The following TRPM5 variants were observed in gnomAD, a reference collection of about 807,000 sequenced individuals.
TRPM5 encodes MLSN1 and TRP-related.
TRPM5 carries 121 observed loss-of-function variants against 124.9 expected under a neutral mutation model. That is an observed-to-expected ratio of 0.97 (90% CI 0.84 to 1.13). TRPM5 has a LOEUF of 1.13. TRPM5 is among the 50% of genes most tolerant of loss of function. The probability of loss-of-function intolerance (pLI) is 0.00; values close to 1 mark genes in which losing one functional copy is unlikely to be tolerated. For missense variants in TRPM5, 1,643 were observed against 1,589.1 expected (o/e 1.03, Z -0.58); for synonymous variants, 781 against 700.5 (o/e 1.11, Z -1.81).
At chr11:2,405,160 C>A in intron 23 of TRPM5, 117 bp from the exon 29 acceptor site, 1 of 799,184 alleles carries the variant, frequency 1.3e-6, no homozygotes, top group Non-Finnish European at 2.0e-6. Context: ...GAGTGAGTCC[C>A]CACAGGCCAG....
chr11:2,424,674 A>G (rs1342311148), upstream of TRPM5, among the ~76,000 whole-genome samples: 1 of 152,262 alleles, frequency 6.6e-6, no homozygotes, highest in Non-Finnish European at 1.5e-5. Flanking sequence ...CGAAGCTGGA[A>G]GAGGCAGGAA....
At chr11:2,422,643 G>A (rs1845789012) in intron 1 of TRPM5, among the ~76,000 whole-genome samples, 1 of 151,758 alleles carries the variant, frequency 6.6e-6, no homozygotes, top group Non-Finnish European at 1.5e-5. Flanking sequence ...CGAGGGCGCT[G>A]GACAGAGGTG....
the TRPM5 span, among the ~76,000 whole-genome samples, chr11:2,434,169 GTGTC>G: frequency 1.3e-5 from 2 of 151,744 alleles, no homozygotes; most frequent in African/African-American, 2.4e-5. Context: ...GGTGTACCAT[GTGTC>G]TGTGTGGACG....
At chr11:2,431,799 T>G in the TRPM5 span, among the ~76,000 whole-genome samples, 1 of 152,170 alleles carries the variant, frequency 6.6e-6, no homozygotes, top group African/African-American at 2.4e-5. Context: ...TCTTCCCCTG[T>G]GATCTGGTGT....
chr11:2,436,525 G>C, the TRPM5 span, among the ~76,000 whole-genome samples: 1 of 152,238 alleles, frequency 6.6e-6, no homozygotes, highest in Non-Finnish European at 1.5e-5. Flanking sequence ...CCAGGAAAGG[G>C]CTATGTGTGT....
chr11:2,414,464 G>A (rs1349445404), intron 11 of TRPM5, among the ~76,000 whole-genome samples: 2 of 152,192 alleles, frequency 1.3e-5, no homozygotes, highest in African/African-American at 4.8e-5. Flanking sequence ...CCTGCGGCAG[G>A]GCCCAGTGTA....
At chr11:2,436,474 G>A in the TRPM5 span, among the ~76,000 whole-genome samples, 1 of 152,276 alleles carries the variant, frequency 6.6e-6, no homozygotes, top group Admixed American at 6.5e-5. Context: ...AGGGAGGGGA[G>A]GGGCTGGCCT....
Position 2,417,713 on chromosome 11 carries a change from C to A in TRPM5, c.1009+14G>T. ...CCCAATGGCGCCTGCCTTGCCCACC[C>A]TGCCCGCCCTCACCTTTCACCAGCG... On this transcript the variant is annotated intron_variant, in intron 7 of 23. Transcript: ENST00000155858. 3 of 1,467,334 alleles carry A rather than the reference C, an allele frequency of 2.0e-6. No individual in the cohort carries two copies. Among genetic ancestry groups the A allele is most frequent in the South Asian group, 2.4e-5 (2 of 83,556 alleles). 90.9% of individuals were successfully genotyped at this position (1,467,334 alleles called of 1,614,324 possible). A position where few individuals can be genotyped will look rare whatever the true frequency, so the allele number is the denominator to read the frequency against.
upstream of TRPM5, among the ~76,000 whole-genome samples, chr11:2,424,804 G>A (rs1440182836): frequency 6.6e-6 from 1 of 152,190 alleles, no homozygotes; most frequent in African/African-American, 2.4e-5. Flanking sequence ...CAGGCTGGTT[G>A]TCTTGGCTGC....
chr11:2,406,076 G>A (rs755532264), exon 22 of TRPM5: 6 of 1,612,062 alleles, frequency 3.7e-6, no homozygotes, highest in South Asian at 2.2e-5. Flanking sequence ...CGAGGTACTT[G>A]GCAATGAAGT....
At chr11:2,406,249 C>T in intron 21 of TRPM5, 158 bp from the exon 27 acceptor site, 1 of 751,380 alleles carries the variant, frequency 1.3e-6, no homozygotes, top group Non-Finnish European at 2.2e-6. Flanking sequence ...CACCAGGACC[C>T]CTCAAAGTGC....
At chr11:2,433,764 C>T in the TRPM5 span, among the ~76,000 whole-genome samples, 4 of 152,172 alleles carry the variant, frequency 2.6e-5, no homozygotes, top group Admixed American at 1.3e-4. Context: ...TGTCACTGTG[C>T]GCACATGGTG....
At position 2,421,151 on chromosome 11, in the gene TRPM5, C is replaced by T; in HGVS notation, c.346G>A (p.Val116Ile). 2 of 1,542,386 alleles carry T rather than the reference C, an allele frequency of 1.3e-6. No homozygotes were observed. The highest frequency in any genetic ancestry group is 2.4e-5 in the South Asian group (2 of 83,960). The change falls in exon 3 of 24, where the codon GTC becomes ATC. Residue 116 changes from valine to isoleucine, a missense_variant. Physicochemically the swap from Val to Ile is conservative, Grantham distance 29 (BLOSUM62 3). Coordinates refer to ENST00000155858, the Ensembl canonical transcript of TRPM5. The stretch of plus-strand genomic sequence containing the variant: ...GAGTGGTCGCGCACGGCCTGCCCGA[C>T]ATGCCTGGCCAGGCCCACGCGGAGG...
chr11:2,433,334 C>G, the TRPM5 span, among the ~76,000 whole-genome samples: 1 of 152,258 alleles, frequency 6.6e-6, no homozygotes, highest in Non-Finnish European at 1.5e-5. Context: ...GCTTGGCGAT[C>G]AGACAGCAGA....
intron 2 of TRPM5, 150 bp from the exon 8 acceptor site, chr11:2,421,348 C>G: frequency 9.4e-7 from 1 of 1,059,650 alleles, no homozygotes; most frequent in Non-Finnish European, 1.3e-6. Flanking sequence ...GGTGGGGAAG[C>G]CGAGGCCCAG....
chr11:2,415,645 CAG>C (rs1426972102), intron 8 of TRPM5, among the ~76,000 whole-genome samples, 174 bp from the exon 14 acceptor site: 4 of 152,232 alleles, frequency 2.6e-5, no homozygotes, highest in Non-Finnish European at 4.4e-5. Context: ...GGGGCGGGCA[CAG>C]AGGGGCCAGT....
the TRPM5 span, among the ~76,000 whole-genome samples, chr11:2,435,735 A>G: frequency 6.6e-6 from 1 of 151,272 alleles, no homozygotes; most frequent in African/African-American, 2.4e-5. The surrounding 1 kb of genome is among the most constrained non-coding windows in gnomAD (Gnocchi z 4.1). Flanking sequence ...GTATCCATGT[A>G]TCAAACTGTC....
At chr11:2,408,876 T>C (rs1850381851) in intron 18 of TRPM5, among the ~76,000 whole-genome samples, 1 of 152,236 alleles carries the variant, frequency 6.6e-6, no homozygotes. Flanking sequence ...TGTGTCTGTG[T>C]GAGCCTGTAC....
chr11:2,417,645 G>T, intron 7 of TRPM5, 82 bp downstream of exon 12: 1 of 1,110,078 alleles, frequency 9.0e-7, no homozygotes, highest in Non-Finnish European at 1.3e-6. Flanking sequence ...CACAAACATT[G>T]GCCAGGCTGC....
Sources: gnomAD v4.1 joint callset for allele counts (sites outside exome capture counted in the v4.1 genomes callset) on GRCh38, gnomAD v4.1.1 for gene constraint, Gnocchi (gnomAD v3.1) non-coding constraint, MANE v1.5 for transcripts, NCBI Gene and HGNC (gene_info 2026-07-23, HGNC 2026-07-21) for gene names.